Variants in MEIKIN observed in about 807,000 individuals in gnomAD.
The protein encoded by MEIKIN is meiosis-specific kinetochore protein.
intron 9 of MEIKIN, among the ~76,000 whole-genome samples, chr5:131,866,703 G>A (rs950964602): frequency 1.3e-5 from 2 of 152,188 alleles, no homozygotes; most frequent in Non-Finnish European, 2.9e-5. Flanking sequence ...AGGGAGGGAA[G>A]GTGAGAGAGC....
chr5:131,856,439 T>C (rs966447574), intron 9 of MEIKIN, among the ~76,000 whole-genome samples: 4 of 152,216 alleles, frequency 2.6e-5, no homozygotes, highest in East Asian at 1.9e-4. Context: ...TCAGCTTTCA[T>C]GCTGAGGCCA....
At chr5:131,814,278 CTTT>C (rs35694343) in intron 12 of MEIKIN, among the ~76,000 whole-genome samples, 36 of 137,012 alleles carry the variant, frequency 2.6e-4, no homozygotes, top group Non-Finnish European at 3.5e-4. Flanking sequence ...TTGGACAGAT[CTTT>C]TTTTTTTTTT....
chr5:131,882,175 A>G (rs933730328), intron 8 of MEIKIN, among the ~76,000 whole-genome samples: 4 of 152,186 alleles, frequency 2.6e-5, no homozygotes, highest in Non-Finnish European at 5.9e-5. Flanking sequence ...ATGGTTTAAA[A>G]CACTATTATC....
intron 12 of MEIKIN, among the ~76,000 whole-genome samples, chr5:131,817,491 C>A (rs1293497792): frequency 6.6e-6 from 1 of 151,828 alleles, no homozygotes; most frequent in Non-Finnish European, 1.5e-5. Flanking sequence ...TGGCGGGTGC[C>A]TGTAGTCCCA....
intron 11 of MEIKIN, among the ~76,000 whole-genome samples, chr5:131,836,468 G>A (rs549962094): frequency 2.0e-5 from 3 of 152,270 alleles, no homozygotes; most frequent in African/African-American, 7.2e-5. Context: ...TCAAGAAATT[G>A]CCATAATGCT....
At chr5:131,865,418 AC>A (rs1419328452) in intron 9 of MEIKIN, among the ~76,000 whole-genome samples, 4 of 152,084 alleles carry the variant, frequency 2.6e-5, no homozygotes, top group African/African-American at 9.7e-5. Flanking sequence ...ACAGGGTTTC[AC>A]CATGTTAGCC....
chr5:131,867,606 A>G (rs1750407909), intron 9 of MEIKIN, among the ~76,000 whole-genome samples: 1 of 152,198 alleles, frequency 6.6e-6, no homozygotes. Flanking sequence ...CCAGAACATC[A>G]TATGGTTGGA....
intron 9 of MEIKIN, among the ~76,000 whole-genome samples, chr5:131,873,803 C>A (rs1049399547): frequency 1.3e-5 from 2 of 152,164 alleles, no homozygotes; most frequent in Non-Finnish European, 2.9e-5. Flanking sequence ...TCTCTCAGAC[C>A]ACAGTGCAAT....
chr5:131,920,498 G>A (rs542657757), intron 6 of MEIKIN, among the ~76,000 whole-genome samples: 2 of 152,062 alleles, frequency 1.3e-5, no homozygotes, highest in African/African-American at 4.8e-5. Context: ...AAATTACAAA[G>A]AGAAAACATA....
At chr5:131,843,045 G>A (rs1032620259) in intron 11 of MEIKIN, among the ~76,000 whole-genome samples, 1 of 152,246 alleles carries the variant, frequency 6.6e-6, no homozygotes. Flanking sequence ...AAGCCACCAA[G>A]GTTTGGGGCT....
chr5:131,896,610 G>C (rs1349419685), intron 8 of MEIKIN, among the ~76,000 whole-genome samples: 1 of 152,158 alleles, frequency 6.6e-6, no homozygotes, highest in African/African-American at 2.4e-5. Context: ...TTTTCTTGTT[G>C]AATTGATCCC....
chr5:131,895,596 T>G lies in MEIKIN; in HGVS notation c.703+16219A>C, dbSNP rs143678134. Among the ~76,000 whole-genome samples, 413 of 152,348 alleles carry G rather than the reference T, an allele frequency of 2.7e-3. 2 individuals carry two copies. The highest frequency in any genetic ancestry group is 9.3e-3 in the South Asian group (45 of 4,824). On this transcript the variant is annotated intron_variant, in intron 8 of 12. Transcript: ENST00000442687. Reference sequence around the variant, plus strand: ...TTATTGGTCTATTCAGAGAGTCAACTTCTTCCTGGTTTAGTCTTGGGAGGG... The same window carrying G: ...TTATTGGTCTATTCAGAGAGTCAACGTCTTCCTGGTTTAGTCTTGGGAGGG...
chr5:131,908,514 T>C (rs1356081435), intron 8 of MEIKIN, among the ~76,000 whole-genome samples: 1 of 152,144 alleles, frequency 6.6e-6, no homozygotes, highest in Non-Finnish European at 1.5e-5. Context: ...TTTGTAAACC[T>C]GGAAGAAGAC....
intron 12 of MEIKIN, among the ~76,000 whole-genome samples, chr5:131,808,613 T>G (rs1772891896): frequency 6.6e-6 from 1 of 152,188 alleles, no homozygotes; most frequent in Non-Finnish European, 1.5e-5. Flanking sequence ...TATTTATAAG[T>G]TCCTCTGGTG....
chr5:131,844,723 C>G (rs1399665161), intron 11 of MEIKIN, among the ~76,000 whole-genome samples: 2 of 152,152 alleles, frequency 1.3e-5, no homozygotes, highest in Non-Finnish European at 2.9e-5. Flanking sequence ...ATATTGGGAA[C>G]AGTACCTGAA....
intron 11 of MEIKIN, among the ~76,000 whole-genome samples, chr5:131,838,125 T>C (rs1749842508): frequency 6.6e-6 from 1 of 152,202 alleles, no homozygotes; most frequent in South Asian, 2.1e-4. Context: ...ACATGGCTTT[T>C]GTCTTTAGTT....
At chr5:131,908,703 A>G (rs1343377653) in intron 8 of MEIKIN, among the ~76,000 whole-genome samples, 1 of 152,214 alleles carries the variant, frequency 6.6e-6, no homozygotes, top group Admixed American at 6.5e-5. Context: ...CCAAAAAACT[A>G]GTAGAACTGA....
chr5:131,889,306 TG>T (rs1750863476), intron 8 of MEIKIN, among the ~76,000 whole-genome samples: 1 of 152,194 alleles, frequency 6.6e-6, no homozygotes, highest in South Asian at 2.1e-4. Context: ...TGGGGCAGTA[TG>T]GCCACTTTCA....
chr5:131,877,218 A>C (rs1295014735), intron 9 of MEIKIN, among the ~76,000 whole-genome samples: 1 of 152,194 alleles, frequency 6.6e-6, no homozygotes, highest in Non-Finnish European at 1.5e-5. Flanking sequence ...TTAAAAAAGT[A>C]GGTAAAAACA....
Sources: gnomAD v4.1 joint callset for allele counts (sites outside exome capture counted in the v4.1 genomes callset) on GRCh38, gnomAD v4.1.1 for gene constraint, MANE v1.5 for transcripts, NCBI Gene and HGNC (gene_info 2026-07-23, HGNC 2026-07-21) for gene names.